SLC24A2: variants seen among roughly 807,000 people sequenced by gnomAD.
SLC24A2 encodes sodium/potassium/calcium exchanger 2.
Under a neutral mutation model 62.0 loss-of-function variants are expected in SLC24A2, and 36 were observed. The observed-to-expected ratio is 0.58, with a 90% CI of 0.44 to 0.77. The LOEUF (loss-of-function observed/expected upper bound fraction) is 0.77, where lower values mean the gene tolerates loss of function less well. Among genes scored for constraint, SLC24A2 ranks in the 30% least tolerant of loss-of-function variants. The pLI is 0.00. For missense variants in SLC24A2, 846 were observed against 817.9 expected, an observed-to-expected ratio of 1.03 and a Z score of -0.42; for synonymous variants, 358 against 294.0, an observed-to-expected ratio of 1.22 and a Z score of -2.23.
chr9:19,568,889 A>G (rs10964215), intron 7 of SLC24A2, among the ~76,000 whole-genome samples: 27,144 of 152,148 alleles, frequency 0.18, 3,596 homozygotes, highest in African/African-American at 0.38. Flanking sequence ...GAAGTAAGTA[A>G]CATGACTAGT....
At chr9:20,286,579 A>T in the SLC24A2 span, among the ~76,000 whole-genome samples, 2 of 152,180 alleles carry the variant, frequency 1.3e-5, no homozygotes. Flanking sequence ...TTATGCTGCA[A>T]GGGGGGGCTG....
At chr9:19,771,749 A>T (rs1822696848) in intron 2 of SLC24A2, among the ~76,000 whole-genome samples, 2 of 152,242 alleles carry the variant, frequency 1.3e-5, no homozygotes, top group African/African-American at 4.8e-5. Context: ...GAATGTGCAC[A>T]TTAATCAGCT....
intron 2 of SLC24A2, among the ~76,000 whole-genome samples, chr9:19,695,137 G>T (rs1244108965): frequency 6.6e-6 from 1 of 152,070 alleles, no homozygotes. Flanking sequence ...GGAGGGGCAT[G>T]GTGCTACTGG....
chr9:19,636,974 T>C (rs1587074423), intron 2 of SLC24A2, among the ~76,000 whole-genome samples: 1 of 152,332 alleles, frequency 6.6e-6, no homozygotes, highest in African/African-American at 2.4e-5. Context: ...GAATAATTAT[T>C]TGGAATGTTA....
the SLC24A2 span, chr9:19,927,181 A>G: frequency 6.6e-6 from 1 of 152,228 alleles, no homozygotes; most frequent in African/African-American, 2.4e-5. Flanking sequence ...TTCATCAGCA[A>G]TTCCACACTC....
the SLC24A2 span, among the ~76,000 whole-genome samples, chr9:20,134,728 G>C: frequency 2.0e-5 from 3 of 152,112 alleles, no homozygotes; most frequent in African/African-American, 7.2e-5. Flanking sequence ...TTGCTGGACT[G>C]TGTGTCTAAC....
chr9:20,129,510 A>T, the SLC24A2 span, among the ~76,000 whole-genome samples: 1 of 152,146 alleles, frequency 6.6e-6, no homozygotes, highest in Non-Finnish European at 1.5e-5. Context: ...ACAATAGCCA[A>T]AAGATGGAAA....
At chr9:20,097,391 C>G in the SLC24A2 span, among the ~76,000 whole-genome samples, 2 of 152,164 alleles carry the variant, frequency 1.3e-5, no homozygotes, top group Non-Finnish European at 2.9e-5. Flanking sequence ...AGTTATCTAA[C>G]AAATTTAGTC....
At chr9:19,653,100 A>G (rs1818846748) in intron 2 of SLC24A2, among the ~76,000 whole-genome samples, 1 of 151,838 alleles carries the variant, frequency 6.6e-6, no homozygotes, top group South Asian at 2.1e-4. Context: ...CTCACTGCTC[A>G]CCCCCCAAAC....
chr9:20,264,831 A>G, the SLC24A2 span, among the ~76,000 whole-genome samples: 1 of 152,236 alleles, frequency 6.6e-6, no homozygotes, highest in Non-Finnish European at 1.5e-5. Context: ...ACATGCCTGT[A>G]AAACATAGAA....
chr9:19,604,231 T>C (rs1340958060), intron 4 of SLC24A2, among the ~76,000 whole-genome samples: 3 of 152,224 alleles, frequency 2.0e-5, no homozygotes, highest in Non-Finnish European at 4.4e-5. Context: ...TTCTGGCTTA[T>C]AGTGTCTCTA....
At chr9:20,103,890 C>A in the SLC24A2 span, among the ~76,000 whole-genome samples, 1 of 152,142 alleles carries the variant, frequency 6.6e-6, no homozygotes. Context: ...TTCAGACGAT[C>A]AAACTACTCC....
intron 8 of SLC24A2, among the ~76,000 whole-genome samples, chr9:19,546,167 C>G (rs1219423306): frequency 6.6e-6 from 1 of 152,214 alleles, no homozygotes; most frequent in African/African-American, 2.4e-5. Flanking sequence ...GTCTCCCAGT[C>G]AGTACACATG....
chr9:19,718,063 G>A (rs939294798), intron 2 of SLC24A2, among the ~76,000 whole-genome samples: 24 of 144,888 alleles, frequency 1.7e-4, no homozygotes, highest in African/African-American at 6.2e-4. Context: ...TGCAACCTCC[G>A]CCTCCCAGGT....
chr9:19,598,219 A>C (rs1483187498), intron 4 of SLC24A2, among the ~76,000 whole-genome samples: 1 of 152,216 alleles, frequency 6.6e-6, no homozygotes, highest in Non-Finnish European at 1.5e-5. Flanking sequence ...TCTGGTCATA[A>C]CACCACTCTC....
chr9:19,923,934 G>C, the SLC24A2 span, among the ~76,000 whole-genome samples: 1 of 152,112 alleles, frequency 6.6e-6, no homozygotes, highest in Non-Finnish European at 1.5e-5. Flanking sequence ...TTTTAGTAGA[G>C]ACAGGGTTTC....
At chr9:20,203,435 A>G in the SLC24A2 span, among the ~76,000 whole-genome samples, 1 of 152,206 alleles carries the variant, frequency 6.6e-6, no homozygotes, top group African/African-American at 2.4e-5. Context: ...CAGCCCTACC[A>G]TTAATTAGCA....
chr9:20,169,849 A>T, the SLC24A2 span, among the ~76,000 whole-genome samples: 18 of 152,038 alleles, frequency 1.2e-4, no homozygotes, highest in African/African-American at 4.3e-4. Context: ...GATTTACCTG[A>T]AAAAAGAATT....
the SLC24A2 span, among the ~76,000 whole-genome samples, chr9:19,942,883 G>C: frequency 6.6e-6 from 1 of 152,132 alleles, no homozygotes. Flanking sequence ...ACTTGAAGTT[G>C]TAAACAAAAT....
Sources: allele counts gnomAD v4.1 joint callset (sites outside exome capture counted in the v4.1 genomes callset), GRCh38; gene constraint gnomAD v4.1.1; transcripts MANE v1.5; gene names NCBI Gene and HGNC (gene_info 2026-07-23, HGNC 2026-07-21).